The following ZBTB20 variants were observed in gnomAD, a reference collection of about 807,000 sequenced individuals.
ZBTB20 encodes the protein zinc finger and BTB domain-containing protein 20.
A neutral mutation model predicts 56.9 loss-of-function variants in ZBTB20; 9 were observed. That is an observed-to-expected ratio of 0.16 (90% CI 0.10 to 0.28). ZBTB20 has a LOEUF of 0.28. Among genes scored for constraint, ZBTB20 ranks in the 10% least tolerant of loss-of-function variants. The probability of loss-of-function intolerance (pLI) is 1.00; values close to 1 mark genes in which losing one functional copy is unlikely to be tolerated. For synonymous variants in ZBTB20, 417 were observed against 420.7 expected (o/e 0.99, Z 0.11); for missense variants, 655 against 1,003.0 (o/e 0.65, Z 4.69).
At chr3:114,441,411 A>C (rs1446464209) in intron 7 of ZBTB20, among the ~76,000 whole-genome samples, 2 of 152,116 alleles carry the variant, frequency 1.3e-5, no homozygotes, top group Admixed American at 6.6e-5. Context: ...GCACTTGAGT[A>C]ATGTTTGCTA....
At chr3:114,713,538 C>T (rs2064240575) in intron 5 of ZBTB20, among the ~76,000 whole-genome samples, 2 of 152,102 alleles carry the variant, frequency 1.3e-5, no homozygotes, top group African/African-American at 4.8e-5. Context: ...GTCCTGATGG[C>T]CCCCTCAAAG....
intron 6 of ZBTB20, among the ~76,000 whole-genome samples, chr3:114,633,734 C>G (rs1395760356): frequency 2.0e-5 from 3 of 152,038 alleles, no homozygotes; most frequent in Non-Finnish European, 2.9e-5. Context: ...ATTCCAGAAT[C>G]TTGTAAATGC....
intron 5 of ZBTB20, among the ~76,000 whole-genome samples, chr3:114,742,788 C>A (rs190353122): frequency 6.6e-6 from 1 of 152,118 alleles, no homozygotes; most frequent in African/African-American, 2.4e-5. Context: ...TCAGACCCTA[C>A]CCCAGAACAA....
intron 2 of ZBTB20, among the ~76,000 whole-genome samples, chr3:115,060,646 T>C (rs1371555251): frequency 6.6e-6 from 1 of 152,174 alleles, no homozygotes; most frequent in East Asian, 1.9e-4. Context: ...TATTCACAAA[T>C]ACTTGCCTCA....
chr3:114,615,967 C>A (rs567557740), intron 6 of ZBTB20, among the ~76,000 whole-genome samples: 1 of 152,160 alleles, frequency 6.6e-6, no homozygotes, highest in Non-Finnish European at 1.5e-5. Context: ...GCAATGTACA[C>A]GGCCAGGAGA....
At chr3:114,815,954 A>G (rs1442926856) in intron 4 of ZBTB20, among the ~76,000 whole-genome samples, 1 of 152,160 alleles carries the variant, frequency 6.6e-6, no homozygotes, top group Non-Finnish European at 1.5e-5. Flanking sequence ...TACAACATTA[A>G]TATGAAGAAC....
At chr3:114,340,716 T>C (rs915950355) in intron 11 of ZBTB20, among the ~76,000 whole-genome samples, 2 of 152,206 alleles carry the variant, frequency 1.3e-5, no homozygotes, top group African/African-American at 4.8e-5. Flanking sequence ...CTGCCCAGTG[T>C]AGGCCCTCAC....
At chr3:114,926,089 C>CA (rs1385063077) in intron 3 of ZBTB20, among the ~76,000 whole-genome samples, 3 of 152,228 alleles carry the variant, frequency 2.0e-5, no homozygotes, top group Non-Finnish European at 4.4e-5. Context: ...TATCCCATCT[C>CA]TGTCTCTTTA....
chr3:114,447,244 T>C (rs1240654764), intron 7 of ZBTB20, among the ~76,000 whole-genome samples: 1 of 152,200 alleles, frequency 6.6e-6, no homozygotes. Context: ...TCAGAACTTG[T>C]AACATTTTAT....
intron 6 of ZBTB20, among the ~76,000 whole-genome samples, chr3:114,580,886 A>G (rs548539098): frequency 6.6e-6 from 1 of 152,040 alleles, no homozygotes; most frequent in African/African-American, 2.4e-5. Flanking sequence ...TTATTTTCTA[A>G]TGTTAATGTA....
At chr3:114,351,931 T>C (rs1277741136) in intron 10 of ZBTB20, 53 bp from the exon 11 acceptor site, 2 of 1,549,490 alleles carry the variant, frequency 1.3e-6, no homozygotes, top group South Asian at 2.5e-5. Context: ...ATCTAGCTGG[T>C]TGCATTCCTA....
intron 1 of ZBTB20, among the ~76,000 whole-genome samples, chr3:115,080,940 A>G (rs960783968): frequency 1.3e-5 from 2 of 152,198 alleles, no homozygotes; most frequent in Non-Finnish European, 2.9e-5. Context: ...AAATAATGTG[A>G]TAATATCACA....
intron 7 of ZBTB20, among the ~76,000 whole-genome samples, chr3:114,434,763 G>T (rs2090396887): frequency 6.6e-6 from 1 of 151,980 alleles, no homozygotes; most frequent in African/African-American, 2.4e-5. Context: ...ACAATAAAAA[G>T]GTTTAGAGCA....
intron 4 of ZBTB20, among the ~76,000 whole-genome samples, chr3:114,855,155 T>C (rs935833097): frequency 6.6e-6 from 1 of 152,240 alleles, no homozygotes; most frequent in African/African-American, 2.4e-5. Flanking sequence ...ATAGAACTTA[T>C]CCACTCTGCC....
chr3:114,803,649 A>G (rs892598572), intron 4 of ZBTB20, among the ~76,000 whole-genome samples: 1 of 151,952 alleles, frequency 6.6e-6, no homozygotes, highest in Non-Finnish European at 1.5e-5. Flanking sequence ...TGGGGTTATC[A>G]GGTAGAATTG....
intron 4 of ZBTB20, among the ~76,000 whole-genome samples, chr3:114,856,532 A>G (rs2075262085): frequency 6.6e-6 from 1 of 152,168 alleles, no homozygotes; most frequent in East Asian, 1.9e-4. Flanking sequence ...TGATGTATTT[A>G]TCAAAAAAAA....
At chr3:114,412,637 G>C (rs1297216111) in intron 7 of ZBTB20, among the ~76,000 whole-genome samples, 1 of 152,054 alleles carries the variant, frequency 6.6e-6, no homozygotes, top group African/African-American at 2.4e-5. Flanking sequence ...GCAGTTTTAG[G>C]CTTTTTTTGG....
chr3:114,505,111 T>G (rs951120272), intron 6 of ZBTB20, among the ~76,000 whole-genome samples: 1 of 152,146 alleles, frequency 6.6e-6, no homozygotes, highest in African/African-American at 2.4e-5. Flanking sequence ...TATACCCATT[T>G]TATGGTGAGG....
chr3:114,891,124 T>C (rs539308130), intron 4 of ZBTB20, among the ~76,000 whole-genome samples: 4 of 152,308 alleles, frequency 2.6e-5, no homozygotes, highest in South Asian at 2.1e-4. Flanking sequence ...CTTCCAACAA[T>C]TGGTATGGCT....
Sources: allele counts gnomAD v4.1 joint callset (sites outside exome capture counted in the v4.1 genomes callset), GRCh38; gene constraint gnomAD v4.1.1; transcripts MANE v1.5; gene names NCBI Gene and HGNC (gene_info 2026-07-23, HGNC 2026-07-21).